The following NDE1 variants were observed in gnomAD, a reference collection of about 807,000 sequenced individuals.
The protein encoded by NDE1 is nudE neurodevelopment protein 1.
Under a neutral mutation model 43.4 loss-of-function variants are expected in NDE1, and 28 were observed. The ratio of observed to expected loss-of-function variants is 0.65; its 90% CI spans 0.48 to 0.89. The LOEUF (loss-of-function observed/expected upper bound fraction) is 0.89, where lower values mean the gene tolerates loss of function less well. Ranked by LOEUF, NDE1 falls within the 40% of genes least tolerant of loss-of-function variation. The probability of loss-of-function intolerance (pLI) is 0.00; values close to 1 mark genes in which losing one functional copy is unlikely to be tolerated. For synonymous variants in NDE1, 184 were observed against 172.0 expected, an observed-to-expected ratio of 1.07 and a Z score of -0.55; for missense variants, 441 against 434.1, an observed-to-expected ratio of 1.02 and a Z score of -0.14.
intron 8 of NDE1, chr16:15,719,756 C>A: frequency 6.2e-7 from 1 of 1,613,148 alleles, no homozygotes; most frequent in Non-Finnish European, 8.5e-7. Flanking sequence ...TGTCCTTACT[C>A]CCCCAAGTTC....
intron 8 of NDE1, among the ~76,000 whole-genome samples, chr16:15,698,500 C>T (rs2039108009): frequency 6.6e-6 from 1 of 152,136 alleles, no homozygotes. Flanking sequence ...TTGTAGCAGA[C>T]ACGTGACAGG....
intron 8 of NDE1, chr16:15,720,822 T>C (rs920678560): frequency 8.1e-6 from 13 of 1,612,432 alleles, no homozygotes; most frequent in Non-Finnish European, 1.1e-5. Flanking sequence ...TCTGCTGGCC[T>C]CCCCGGCAGC....
At position 15,718,239 on chromosome 16, in the gene NDE1, G is replaced by A. The variant is rs12917928; in HGVS notation, c.948-5952G>A. ...GCCTGCACACAGGAAGCCGCCACGCGTGTGTTGACTGGTGCAGGATCCTGC... is the reference window on the plus strand; with the variant it reads ...GCCTGCACACAGGAAGCCGCCACGCATGTGTTGACTGGTGCAGGATCCTGC... On this transcript the variant is annotated intron_variant, in intron 8 of 8. Coordinates refer to ENST00000396354, the MANE Select transcript of NDE1 (RefSeq NM_017668.3). The A allele has an allele frequency of 0.033, 53,513 of 1,599,732 alleles. 1,402 individuals carry two copies. The highest frequency in any genetic ancestry group is 0.093 in the African/African-American group (7,006 of 74,958).
rs202120792 is a variant in NDE1 at position 15,715,088 on chromosome 16, C to T, written c.948-9103C>T. 217 of 1,606,038 alleles carry T rather than the reference C, an allele frequency of 1.4e-4. 1 individual carries two copies. The Middle Eastern group carries it at 4.3e-3, about 32-fold the overall frequency. Reference sequence around the variant, plus strand: ...TGGCATTGCCTTTCTCTGCCTGTCGCGGAGAGTTGGAGGGGTGGTTAGGGG... The same window carrying T: ...TGGCATTGCCTTTCTCTGCCTGTCGTGGAGAGTTGGAGGGGTGGTTAGGGG... On this transcript the variant is annotated intron_variant, in intron 8 of 8. Coordinates refer to ENST00000396354, the MANE Select transcript of NDE1 (RefSeq NM_017668.3).
At chr16:15,663,588 A>G (rs1045526526) in intron 1 of NDE1, among the ~76,000 whole-genome samples, 1 of 152,064 alleles carries the variant, frequency 6.6e-6, no homozygotes, top group Admixed American at 6.6e-5. Context: ...TCTTCTAGGA[A>G]GCCTTCCTTG....
intron 3 of NDE1, among the ~76,000 whole-genome samples, chr16:15,675,094 A>C (rs2037799167): frequency 6.6e-6 from 1 of 152,100 alleles, no homozygotes; most frequent in African/African-American, 2.4e-5. Flanking sequence ...TGTGGGAACC[A>C]GGTTTGGGAG....
chr16:15,645,210 A>T (rs1294977732), intron 1 of NDE1, among the ~76,000 whole-genome samples: 1 of 152,044 alleles, frequency 6.6e-6, no homozygotes, highest in African/African-American at 2.4e-5. Context: ...AACGAGCTTG[A>T]CCACATTTTC....
chr16:15,695,456 T>G, intron 7 of NDE1: 1,682 of 939,350 alleles, frequency 1.8e-3, no homozygotes, highest in Non-Finnish European at 1.9e-3. Flanking sequence ...TGCAGTGAGC[T>G]GAGATCGCAC....
intron 8 of NDE1, chr16:15,720,882 C>A: frequency 1.2e-6 from 2 of 1,614,000 alleles, no homozygotes; most frequent in Non-Finnish European, 1.7e-6. Flanking sequence ...CTGCTCGTCC[C>A]GGGCTTGGAG....
intron 8 of NDE1, chr16:15,699,870 C>G (rs780272307): frequency 7.6e-7 from 1 of 1,317,850 alleles, no homozygotes; most frequent in Non-Finnish European, 9.9e-7. Context: ...GAAGTCGTTA[C>G]CTTTTGTCGT....
Position 15,724,432 on chromosome 16 carries a change from A to AG in NDE1, c.*184dup. The AG allele has an allele frequency of 1.9e-6, 3 of 1,613,146 alleles. No homozygotes were observed. Among genetic ancestry groups the AG allele is most frequent in the Non-Finnish European group, 2.5e-6 (3 of 1,179,894 alleles). ...GAGCTACAAGGACAGCGTCCAGGGT[A>AG]GGGTGAGAGGGGGACCATGAGTGGC... On this transcript the variant is annotated 3_prime_UTR_variant, in exon 9 of 9. Coordinates refer to ENST00000396354, the MANE Select transcript of NDE1 (RefSeq NM_017668.3).
At chr16:15,707,108 G>C (rs913659430) in intron 8 of NDE1, among the ~76,000 whole-genome samples, 1 of 152,060 alleles carries the variant, frequency 6.6e-6, no homozygotes, top group African/African-American at 2.4e-5. Flanking sequence ...GCGTGATCTT[G>C]GCTCACTGCA....
At chr16:15,685,816 G>A (rs1057009593) in intron 4 of NDE1, among the ~76,000 whole-genome samples, 18 of 152,266 alleles carry the variant, frequency 1.2e-4, no homozygotes, top group South Asian at 4.1e-4. Context: ...CTCCAAACAC[G>A]TGCTTCTGAC....
intron 4 of NDE1, chr16:15,683,490 A>G (rs944607562): frequency 3.3e-5 from 5 of 151,952 alleles, no homozygotes; most frequent in African/African-American, 9.7e-5. Context: ...GACAACAGGC[A>G]CCCGCTACCA....
rs1567691357 is a variant in NDE1, at chr16:15,719,204, CCATT to C, written c.948-4984_948-4981del. On this transcript the variant is annotated intron_variant, in intron 8 of 8. Transcript: ENST00000396354. ...TCCTCTGCTTCAGAGCCCTCTTCCT[CCATT>C]CAGTTTCCTACCTTCCCGACAGGCT... The C allele has an allele frequency of 6.2e-7, 1 of 1,612,002 alleles. No homozygotes were observed. The highest frequency in any genetic ancestry group is 1.3e-5 in the African/African-American group (1 of 74,914).
intron 8 of NDE1, among the ~76,000 whole-genome samples, chr16:15,723,084 A>C (rs1387727299): frequency 6.6e-6 from 1 of 152,154 alleles, no homozygotes; most frequent in Admixed American, 6.6e-5. Context: ...TCACTTGTAA[A>C]CTAAATCATA....
chr16:15,718,163 C>CAG, intron 8 of NDE1: 1 of 1,205,618 alleles, frequency 8.3e-7, no homozygotes, highest in Admixed American at 1.9e-5. Context: ...GGTGTAAGGG[C>CAG]CCTGGATCTC....
intron 1 of NDE1, among the ~76,000 whole-genome samples, chr16:15,661,156 GTTT>G (rs56830963): frequency 2.3e-5 from 3 of 132,208 alleles, no homozygotes; most frequent in Non-Finnish European, 4.9e-5. Context: ...AGTTTTACTT[GTTT>G]TTTTTTTTTT....
At position 15,700,004 on chromosome 16, in the gene NDE1, G is replaced by A. The variant is rs532776037; in HGVS notation, c.947+3144G>A. The A allele has an allele frequency of 4.0e-5, 48 of 1,187,052 alleles. No individual in the cohort carries two copies. The African/African-American group carries it at 6.4e-4, about 16-fold the overall frequency. 73.5% of individuals were successfully genotyped at this position (1,187,052 alleles called of 1,614,324 possible). On this transcript the variant is annotated intron_variant, in intron 8 of 8. Coordinates refer to ENST00000396354, the MANE Select transcript of NDE1 (RefSeq NM_017668.3). Reference sequence around the variant, plus strand: ...ACCTGTGCTCTGGGGTTTGTCCCTGGGAAATGTCTTTTCATCCTTACCTGC... The same window carrying A: ...ACCTGTGCTCTGGGGTTTGTCCCTGAGAAATGTCTTTTCATCCTTACCTGC...
Sources: allele counts gnomAD v4.1 joint callset (sites outside exome capture counted in the v4.1 genomes callset), GRCh38; gene constraint gnomAD v4.1.1; transcripts MANE v1.5; gene names NCBI Gene and HGNC (gene_info 2026-07-23, HGNC 2026-07-21).